Variants in CPM observed in about 807,000 individuals in gnomAD.
CPM encodes the protein renal carboxypeptidase.
A neutral mutation model predicts 46.4 loss-of-function variants in CPM; 35 were observed. The ratio of observed to expected loss-of-function variants is 0.75; its 90% CI spans 0.58 to 1.00. CPM has a LOEUF of 1.00. CPM is among the 50% of genes least tolerant of loss of function. CPM has a pLI of 0.00. For missense variants in CPM, 422 were observed against 530.4 expected (o/e 0.80, Z 2.01); for synonymous variants, 195 against 195.3 (o/e 1.00, Z 0.01).
chr12:68,846,434 T>G (rs571463327), downstream of CPM: 1 of 152,324 alleles, frequency 6.6e-6, no homozygotes, highest in East Asian at 1.9e-4. Flanking sequence ...TAGGTGAATT[T>G]CATTTATTTC....
intron 8 of CPM, among the ~76,000 whole-genome samples, chr12:68,857,489 G>A (rs1885028768): frequency 6.6e-6 from 1 of 151,562 alleles, no homozygotes; most frequent in Non-Finnish European, 1.5e-5. Flanking sequence ...GATTTTACCT[G>A]GTTTTGTTCA....
At chr12:68,847,456 T>TC (rs1285407245), downstream of CPM, 15 of 114,260 alleles carry the variant, frequency 1.3e-4, 1 homozygote, top group Middle Eastern at 3.6e-3. Flanking sequence ...TCCTTTCTTT[T>TC]TTTTTTTTTT....
Position 68,858,957 on chromosome 12 carries a change from T to A in CPM, c.1055A>T (p.Tyr352Phe), listed in dbSNP as rs1319465079. 6.5e-6 allele frequency: 10 copies of A among 1,543,536 alleles called. No homozygotes were observed. In the East Asian group the frequency reaches 2.4e-4, roughly 37 times the overall value. ...ATAAGACCCAGGCAAGAGAAGGAGA[T>A]AATACTCTCCATATTTGTTGGTTCT... ...PYRTNKYGEY[Y>F]LLLLPGSYII... The change falls in exon 8 of 9, where the codon TAT becomes TTT. Residue 352 changes from tyrosine (Y) to phenylalanine (F), a missense_variant. Physicochemically the swap from Tyr to Phe is conservative, Grantham distance 22 (BLOSUM62 3). Coordinates refer to ENST00000551568, the MANE Select transcript of CPM (RefSeq NM_198320.5).
intron 3 of CPM, among the ~76,000 whole-genome samples, chr12:68,884,235 A>AAACT: frequency 6.6e-6 from 1 of 152,092 alleles, no homozygotes; most frequent in Non-Finnish European, 1.5e-5. Context: ...TGTTTTATTA[A>AAACT]AACTAACTTT....
At chr12:68,867,592 A>C (rs927359630) in intron 6 of CPM, among the ~76,000 whole-genome samples, 14 of 152,200 alleles carry the variant, frequency 9.2e-5, no homozygotes, top group African/African-American at 3.1e-4. Flanking sequence ...ATGAGGAAAC[A>C]TGATCACAGA....
In CPM at chr12:68,941,195, GTGTGTGTGTA is replaced by G. The variant is rs1245102832; in HGVS notation, c.-3-8365_-3-8356del. Among the ~76,000 whole-genome samples the G allele has an allele frequency of 4.0e-5, 6 of 151,744 alleles. No homozygotes were observed. The East Asian group carries it at 9.7e-4, about 24-fold the overall frequency. Reference sequence around the variant, plus strand: ...CGTGTGTGTGTGTGTGTGTGTGTGTGTGTGTGTGTATATAAAGCTAACACATCAGCTGAGA... The same window carrying G: ...CGTGTGTGTGTGTGTGTGTGTGTGTGTATAAAGCTAACACATCAGCTGAGA... On this transcript the variant is annotated intron_variant, in intron 1 of 8. Transcript: ENST00000546373.
At chr12:68,913,763 C>T (rs762371904) in intron 2 of CPM, 4 of 499,166 alleles carry the variant, frequency 8.0e-6, no homozygotes, top group Non-Finnish European at 7.7e-6. Flanking sequence ...ACCTTTATTC[C>T]TATAAAATCC....
chr12:68,916,731 A>G (rs957133013), intron 2 of CPM, among the ~76,000 whole-genome samples: 1 of 151,952 alleles, frequency 6.6e-6, no homozygotes, highest in Admixed American at 6.6e-5. Flanking sequence ...TCTACTATAA[A>G]TACAAAAATT....
rs116164732 is a variant in CPM at position 68,886,040 on chromosome 12, T to C, written c.161-151A>G. On this transcript the variant is annotated intron_variant, in intron 2 of 8. Coordinates refer to ENST00000551568, the MANE Select transcript of CPM (RefSeq NM_198320.5). The stretch of plus-strand genomic sequence containing the variant: ...GTTTGTATGACTAACATCTCCATGC[T>C]TAAAACACTCATCGTTTACCGTCAG... 2.8e-3 allele frequency: 1,740 copies of C among 615,902 alleles called. 40 individuals carry two copies. The African/African-American group carries it at 0.029, about 10-fold the overall frequency. The allele number at this position is 615,902 out of a possible 1,614,324, so 38.2% of individuals were successfully genotyped here. A position where few individuals can be genotyped will look rare whatever the true frequency, so the allele number is the denominator to read the frequency against.
chr12:68,856,119 T>A lies in CPM; in HGVS notation c.*318A>T, dbSNP rs1884957297. On this transcript the variant is annotated 3_prime_UTR_variant, in exon 9 of 9. Transcript: ENST00000551568. ...CCGGTTCTCTGTATACAAAATGATC[T>A]TCTTTTTGCAGGCATTTTTTTGCTT... The A allele has an allele frequency of 3.3e-6, 1 of 300,092 alleles. No individual in the cohort carries two copies. Among genetic ancestry groups the A allele is most frequent in the Non-Finnish European group, 6.2e-6 (1 of 160,658 alleles). 18.6% of individuals were successfully genotyped at this position (300,092 alleles called of 1,614,324 possible).
At chr12:68,844,448 C>CATGGCAGCCTGGCCTAAGTGATCGTGA (rs1178964964) in intron 5 of CPM, 30 of 228,240 alleles carry the variant, frequency 1.3e-4, no homozygotes, top group Admixed American at 5.7e-4. Context: ...TCTTAGGTCA[C>CATGGCAGCCTGGCCTAAGTGATCGTGA]ATGGCAGCCT....
chr12:68,856,455 C>A lies in CPM; in HGVS notation c.1314G>T (p.Leu438Phe). 1 of 1,613,858 alleles carries A rather than the reference C, an allele frequency of 6.2e-7. No homozygotes were observed. Among genetic ancestry groups the A allele is most frequent in the South Asian group, 1.1e-5 (1 of 91,062 alleles). Residue 438 changes from leucine to phenylalanine, a missense_variant, in exon 9 of 9, where the codon TTG (leucine) becomes TTT (phenylalanine). Leu to Phe is a conservative substitution (Grantham distance 22). Coordinates refer to ENST00000551568, the MANE Select transcript of CPM (RefSeq NM_198320.5). The stretch of plus-strand genomic sequence containing the variant: ...TTTTACTTTATTTGAAGAATATGTG[C>A]AAAAGACTCACTAAAAATAAGAACA... ...PSLFLFLVSL[L>F]HIFFK
intron 2 of CPM, among the ~76,000 whole-genome samples, chr12:68,902,505 C>A (rs2136279915): frequency 6.6e-6 from 1 of 152,254 alleles, no homozygotes; most frequent in South Asian, 2.1e-4. Context: ...TGGTTTCGGA[C>A]TTTTCCAGTG....
intron 2 of CPM, among the ~76,000 whole-genome samples, chr12:68,889,117 C>T (rs377382937): frequency 8.5e-5 from 13 of 152,140 alleles, no homozygotes; most frequent in African/African-American, 3.1e-4. Context: ...TTAACAAGTT[C>T]CTTTGGTGAT....
At chr12:68,880,889 T>C (rs772925985) in intron 3 of CPM, among the ~76,000 whole-genome samples, 15 of 152,156 alleles carry the variant, frequency 9.9e-5, no homozygotes, top group Non-Finnish European at 2.2e-4. Flanking sequence ...GCCTGTGCCA[T>C]AGAAAGCATG....
intron 2 of CPM, among the ~76,000 whole-genome samples, chr12:68,929,789 G>A (rs6581839): frequency 0.25 from 38,353 of 151,876 alleles, 6,952 homozygotes; most frequent in African/African-American, 0.52. Flanking sequence ...CAAGAGGATA[G>A]AATACTAAAC....
At chr12:68,865,778 G>A (rs1274701592) in intron 7 of CPM, among the ~76,000 whole-genome samples, 1 of 152,138 alleles carries the variant, frequency 6.6e-6, no homozygotes, top group Admixed American at 6.6e-5. Context: ...CTTGCCCAAA[G>A]AGACACCACC....
chr12:68,918,213 T>C (rs1488562225), intron 2 of CPM, among the ~76,000 whole-genome samples: 1 of 152,174 alleles, frequency 6.6e-6, no homozygotes, highest in Non-Finnish European at 1.5e-5. Flanking sequence ...CATTCTTGGC[T>C]CCTCTACTCT....
Position 68,852,490 on chromosome 12 carries a change from T to TAA in CPM, c.*3945_*3946dup, listed in dbSNP as rs370407199. 3.9e-5 allele frequency: 6 copies of TAA among 152,012 alleles called. No individual in the cohort carries two copies. The highest frequency in any genetic ancestry group is 1.5e-4 in the African/African-American group (6 of 41,374). 9.4% of individuals were successfully genotyped at this position (152,012 alleles called of 1,614,324 possible). A position where few individuals can be genotyped will look rare whatever the true frequency, so the allele number is the denominator to read the frequency against. On this transcript the variant is annotated 3_prime_UTR_variant, in exon 9 of 9. Transcript: ENST00000551568. The stretch of plus-strand genomic sequence containing the variant: ...CGGGGGGTGGTCTCCATTTTACAGA[T>TAA]AAAGAAACTGAATGTGTGGCGGATT...
Sources: allele counts gnomAD v4.1 joint callset (sites outside exome capture counted in the v4.1 genomes callset), GRCh38; gene constraint gnomAD v4.1.1; transcripts MANE v1.5; gene names NCBI Gene and HGNC (gene_info 2026-07-23, HGNC 2026-07-21).